CXCL1: variants seen among roughly 807,000 people sequenced by gnomAD.
CXCL1 encodes the protein growth-regulated alpha protein.
In CXCL1, 9 loss-of-function variants were observed where a neutral mutation model predicts 11.7. The observed-to-expected ratio is 0.77, with a 90% CI of 0.46 to 1.34. The LOEUF (loss-of-function observed/expected upper bound fraction) is 1.34. Among genes scored for constraint, CXCL1 ranks in the 40% most tolerant of loss-of-function variants. The pLI is 0.00. For synonymous variants in CXCL1, 78 were observed against 59.1 expected, an observed-to-expected ratio of 1.32 and a Z score of -1.47; for missense variants, 146 against 138.1, an observed-to-expected ratio of 1.06 and a Z score of -0.29.
chr4:73,869,717 A>G lies in CXCL1; in HGVS notation c.149A>G (p.Gln50Arg), dbSNP rs1731895191. 1.2e-6 allele frequency: 2 copies of G among 1,614,184 alleles called. No homozygotes were observed. Among genetic ancestry groups the G allele is most frequent in the South Asian group, 1.1e-5 (1 of 91,088 alleles). The change falls in exon 2 of 4, where the codon CAG becomes CGG. Residue 50 changes from glutamine to arginine, a missense_variant. Transcript: ENST00000395761. ...ELRCQCLQTL[Q>R]GIHPKNIQSV... is the part of the protein sequence containing the mutation. ...CGCTGCCAGTGCTTGCAGACCCTGC[A>G]GGGAATTCACCCCAAGAACATCCAA... is the stretch of plus-strand genomic sequence containing the variant.
chr4:73,869,875 C>T, intron 2 of CXCL1, 31 bp from the exon 3 acceptor site: 1 of 1,614,130 alleles, frequency 6.2e-7, no homozygotes, highest in South Asian at 1.1e-5. Flanking sequence ...AGCCCGACCT[C>T]CTGCCTCACG....
At chr4:73,869,859 G>C in intron 2 of CXCL1, 47 bp from the exon 3 acceptor site, 1 of 1,613,808 alleles carries the variant, frequency 6.2e-7, no homozygotes, top group South Asian at 1.1e-5. Context: ...CCCCAACCCT[G>C]TCCCCAGCCC....
chr4:73,870,530 C>T lies in CXCL1; in HGVS notation c.318C>T (p.Ser106=), dbSNP rs768218800. Residue 106 remains serine (S), a synonymous_variant, in exon 4 of 4, where the codon TCC becomes TCT. Coordinates refer to ENST00000395761, the MANE Select transcript of CXCL1 (RefSeq NM_001511.4). The stretch of plus-strand genomic sequence containing the variant: ...CATTTTCTCATTGCAGTGACAAATC[C>T]AACTGACCAGAAGGGAGGAGGAAGC... ...IIEKMLNSDK[S]N The T allele has an allele frequency of 5.0e-6, 8 of 1,613,728 alleles. No individual in the cohort carries two copies. Among genetic ancestry groups the T allele is most frequent in the South Asian group, 4.4e-5 (4 of 91,064 alleles).
Position 73,869,692 on chromosome 4 carries a change from C to T in CXCL1, c.124C>T (p.Arg42Cys). 1.2e-6 allele frequency: 2 copies of T among 1,614,202 alleles called. No homozygotes were observed. The highest frequency in any genetic ancestry group is 1.3e-5 in the African/African-American group (1 of 75,052). The change falls in exon 2 of 4, where the codon CGC becomes TGC. Residue 42 changes from arginine to cysteine, a missense_variant. Arg to Cys is a radical substitution (Grantham distance 180). Transcript: ENST00000395761. Reference sequence around the variant, plus strand: ...AGGAGCGTCCGTGGCCACTGAACTGCGCTGCCAGTGCTTGCAGACCCTGCA... The same window carrying T: ...AGGAGCGTCCGTGGCCACTGAACTGTGCTGCCAGTGCTTGCAGACCCTGCA... ...AAGASVATEL[R>C]CQCLQTLQGI...
At chr4:73,869,824 G>T (rs1024583963) in intron 2 of CXCL1, 32 bp downstream of exon 2, 2 of 1,613,378 alleles carry the variant, frequency 1.2e-6, no homozygotes, top group African/African-American at 1.3e-5. Context: ...CTCTGCCACC[G>T]CCGGGGTCCC....
At position 73,869,518 on chromosome 4, in the gene CXCL1, G is replaced by A; in HGVS notation, c.48G>A (p.Leu16=). The A allele has an allele frequency of 5.0e-6, 8 of 1,599,382 alleles. No individual in the cohort carries two copies. Among genetic ancestry groups the A allele is most frequent in the Non-Finnish European group, 6.8e-6 (8 of 1,172,920 alleles). ...CCGCCCCCAGCAATCCCCGGCTCCT[G>A]CGAGTGGCACTGCTGCTCCTGCTCC... ...LSAAPSNPRL[L]RVALLLLLLV... Residue 16 remains leucine (L), a synonymous_variant, in exon 1 of 4, where the codon CTG becomes CTA. Coordinates refer to ENST00000395761, the MANE Select transcript of CXCL1 (RefSeq NM_001511.4).
chr4:73,870,219 T>C, intron 3 of CXCL1: 3 of 631,624 alleles, frequency 4.7e-6, no homozygotes, highest in Non-Finnish European at 8.2e-6. Context: ...TTCCAATGAA[T>C]GTAGGTAAAA....
Position 73,869,983 on chromosome 4 carries a change from T to C in CXCL1, c.302T>C (p.Leu101Pro). 1 of 1,614,130 alleles carries C rather than the reference T, an allele frequency of 6.2e-7. No individual in the cohort carries two copies. Among genetic ancestry groups the C allele is most frequent in the South Asian group, 1.1e-5 (1 of 91,076 alleles). ...GTTAAGAAAATCATCGAAAAGATGCTGAACAGGTGAGTTATGGTTTCCATG... is the reference window on the plus strand; with the variant it reads ...GTTAAGAAAATCATCGAAAAGATGCCGAACAGGTGAGTTATGGTTTCCATG... ...PIVKKIIEKM[L>P]NSDKSN The change falls in exon 3 of 4, where the codon CTG (leucine) becomes CCG (proline). Residue 101 changes from leucine (L) to proline (P), a missense_variant. Transcript: ENST00000395761.
Position 73,869,803 on chromosome 4 carries a change from C to T in CXCL1, c.224+11C>T, listed in dbSNP as rs774669984. The T allele has an allele frequency of 6.8e-6, 11 of 1,613,624 alleles. No individual in the cohort carries two copies. In the East Asian group the frequency reaches 2.0e-4, roughly 29 times the overall value. The stretch of plus-strand genomic sequence containing the variant: ...CCAAACCGAAGTCATGTAAGTCCCG[C>T]CCCGCGCTGCCTCTGCCACCGCCGG... On this transcript the variant is annotated intron_variant, in intron 2 of 3. Transcript: ENST00000395761.
At chr4:73,869,630 C>A (rs371956379) in intron 1 of CXCL1, 39 bp from the exon 2 acceptor site, 2 of 1,613,852 alleles carry the variant, frequency 1.2e-6, no homozygotes, top group Non-Finnish European at 8.5e-7. Context: ...CACCCAGCGC[C>A]GACAGCCTCG....
At chr4:73,870,441 G>A in intron 3 of CXCL1, 80 bp from the exon 4 acceptor site, 2 of 1,576,812 alleles carry the variant, frequency 1.3e-6, no homozygotes, top group South Asian at 2.2e-5. Flanking sequence ...TCTAGAGGCT[G>A]GAGGAGCAGG....
rs553150230 is a variant in CXCL1 at position 73,870,760 on chromosome 4, C to A, written c.*224C>A. ...AAAATAATTAAGGGTATGATTAACT[C>A]TACCTGCACACTGTCCTATTATATT... On this transcript the variant is annotated 3_prime_UTR_variant, in exon 4 of 4. Transcript: ENST00000395761. 3.8e-6 allele frequency: 2 copies of A among 529,280 alleles called. No individual in the cohort carries two copies. The highest frequency in any genetic ancestry group is 6.7e-6 in the Non-Finnish European group (2 of 300,258). The allele number at this position is 529,280 out of a possible 1,614,324, so 32.8% of individuals were successfully genotyped here.
At position 73,869,994 on chromosome 4, in the gene CXCL1, G is replaced by A. The variant is rs756956042; in HGVS notation, c.308+5G>A. The A allele has an allele frequency of 6.2e-7, 1 of 1,614,022 alleles. No individual in the cohort carries two copies. The highest frequency in any genetic ancestry group is 8.5e-7 in the Non-Finnish European group (1 of 1,179,872). On this transcript the variant is annotated splice_donor_5th_base_variant and intron_variant, in intron 3 of 3. Transcript: ENST00000395761. ...CATCGAAAAGATGCTGAACAGGTGA[G>A]TTATGGTTTCCATGTACACAGGCGA... is the stretch of plus-strand genomic sequence containing the variant.
chr4:73,870,513 C>T lies in CXCL1; in HGVS notation c.309-8C>T, dbSNP rs1311554581. 6.2e-7 allele frequency: 1 copy of T among 1,613,852 alleles called. No homozygotes were observed. The highest frequency in any genetic ancestry group is 1.1e-5 in the South Asian group (1 of 91,064). Reference sequence around the variant, plus strand: ...CACCTACTCAGGGCACCCATTTTCTCATTGCAGTGACAAATCCAACTGACC... The same window carrying T: ...CACCTACTCAGGGCACCCATTTTCTTATTGCAGTGACAAATCCAACTGACC... On this transcript the variant is annotated splice_region_variant and splice_polypyrimidine_tract_variant and intron_variant, in intron 3 of 3. Coordinates refer to ENST00000395761, the MANE Select transcript of CXCL1 (RefSeq NM_001511.4).
rs768355203 is a variant in CXCL1, at chr4:73,869,657, C to T, written c.101-12C>T. 1 of 1,614,044 alleles carries T rather than the reference C, an allele frequency of 6.2e-7. No homozygotes were observed. The highest frequency in any genetic ancestry group is 1.3e-5 in the African/African-American group (1 of 74,942). On this transcript the variant is annotated splice_polypyrimidine_tract_variant and intron_variant, in intron 1 of 3. Transcript: ENST00000395761. ...ACAGCCTCGCTCAGTCAGTGAGTCT[C>T]TTCTTCCCTAGGAGCGTCCGTGGCC...
intron 3 of CXCL1, 160 bp downstream of exon 3, chr4:73,870,149 C>A: frequency 1.3e-6 from 1 of 755,466 alleles, no homozygotes; most frequent in Non-Finnish European, 2.2e-6. Flanking sequence ...ACGATAATTA[C>A]TGCTCTGGTG....
chr4:73,869,453 A>C lies in CXCL1; in HGVS notation c.-18A>C. 6.5e-7 allele frequency: 1 copy of C among 1,547,026 alleles called. No individual in the cohort carries two copies. Among genetic ancestry groups the C allele is most frequent in the Non-Finnish European group, 8.7e-7 (1 of 1,148,552 alleles). ...CTTCCGCTCCTCTCACAGCCGCCAGACCCGCCTGCTGAGCCCCATGGCCCG... is the reference window on the plus strand; with the variant it reads ...CTTCCGCTCCTCTCACAGCCGCCAGCCCCGCCTGCTGAGCCCCATGGCCCG... On this transcript the variant is annotated 5_prime_UTR_variant, in exon 1 of 4. Transcript: ENST00000395761.
rs200083883 is a variant in CXCL1 at position 73,869,808 on chromosome 4, C to T, written c.224+16C>T. 9 of 1,613,736 alleles carry T rather than the reference C, an allele frequency of 5.6e-6. No individual in the cohort carries two copies. The highest frequency in any genetic ancestry group is 6.8e-6 in the Non-Finnish European group (8 of 1,179,740). On this transcript the variant is annotated intron_variant, in intron 2 of 3. Coordinates refer to ENST00000395761, the MANE Select transcript of CXCL1 (RefSeq NM_001511.4). ...CCGAAGTCATGTAAGTCCCGCCCCG[C>T]GCTGCCTCTGCCACCGCCGGGGTCC...
At position 73,869,431 on chromosome 4, in the gene CXCL1, C is replaced by A; in HGVS notation, c.-40C>A. On this transcript the variant is annotated 5_prime_UTR_variant, in exon 1 of 4. Coordinates refer to ENST00000395761, the MANE Select transcript of CXCL1 (RefSeq NM_001511.4). The stretch of plus-strand genomic sequence containing the variant: ...CGCAGGCACCTCCTCGCCAGCTCTT[C>A]CGCTCCTCTCACAGCCGCCAGACCC... 6.5e-7 allele frequency: 1 copy of A among 1,538,726 alleles called. No homozygotes were observed.
Sources: gnomAD v4.1 joint callset for allele counts on GRCh38, gnomAD v4.1.1 for gene constraint, MANE v1.5 for transcripts, NCBI Gene and HGNC (gene_info 2026-07-23, HGNC 2026-07-21) for gene names.